Variants in SLC2A9 observed in about 807,000 individuals in gnomAD.
SLC2A9 encodes solute carrier family 2, facilitated glucose transporter member 9.
A neutral mutation model predicts 50.6 loss-of-function variants in SLC2A9; 39 were observed. The ratio of observed to expected loss-of-function variants is 0.77; its 90% CI spans 0.60 to 1.01. SLC2A9 has a LOEUF of 1.01. SLC2A9 is among the 50% of genes least tolerant of loss of function. SLC2A9 has a pLI of 0.00. For missense variants in SLC2A9, 686 were observed against 677.6 expected (o/e 1.01, Z -0.14); for synonymous variants, 324 against 276.9 (o/e 1.17, Z -1.69).
chr4:9,906,341 T>C (rs1012969742), intron 8 of SLC2A9, among the ~76,000 whole-genome samples: 1 of 152,172 alleles, frequency 6.6e-6, no homozygotes, highest in Admixed American at 6.5e-5. Flanking sequence ...AAGGAAATTA[T>C]CATACAGAAA....
At chr4:9,793,365 C>T (rs1720203377) in intron 3 of SLC2A9, among the ~76,000 whole-genome samples, 1 of 152,198 alleles carries the variant, frequency 6.6e-6, no homozygotes, top group Admixed American at 6.5e-5. Flanking sequence ...GTTGACTGTC[C>T]TTGCTGTGGC....
intron 5 of SLC2A9, among the ~76,000 whole-genome samples, chr4:9,962,543 A>C (rs1752429191): frequency 6.6e-6 from 1 of 152,152 alleles, no homozygotes; most frequent in African/African-American, 2.4e-5. Flanking sequence ...CAGTGAGGGG[A>C]ACAACACACA....
chr4:9,843,996 T>C (rs996237865), intron 10 of SLC2A9, among the ~76,000 whole-genome samples: 5 of 152,124 alleles, frequency 3.3e-5, no homozygotes, highest in Admixed American at 2.0e-4. Context: ...AAACCAGATT[T>C]GAATCCATGC....
At chr4:9,842,150 T>A (rs1728180319) in intron 10 of SLC2A9, among the ~76,000 whole-genome samples, 1 of 152,238 alleles carries the variant, frequency 6.6e-6, no homozygotes. Context: ...ACGACTCTTT[T>A]CCTGCTCATT....
At chr4:9,788,622 T>C (rs1293483983) in intron 3 of SLC2A9, among the ~76,000 whole-genome samples, 1 of 152,162 alleles carries the variant, frequency 6.6e-6, no homozygotes, top group African/African-American at 2.4e-5. Context: ...CAATGCTCAG[T>C]CTAGGGGCAA....
At chr4:10,019,275 C>A in intron 1 of SLC2A9, 1 of 589,598 alleles carries the variant, frequency 1.7e-6, no homozygotes, top group South Asian at 2.1e-5. Context: ...GCAGGCCGGG[C>A]GCCCTCAGGT....
intron 5 of SLC2A9, among the ~76,000 whole-genome samples, chr4:9,955,867 ATTTTTTTTTTT>A (rs1170286158): frequency 4.9e-5 from 3 of 61,688 alleles, no homozygotes; most frequent in Non-Finnish European, 8.2e-5. Flanking sequence ...AAGCATCTGG[ATTTTTTTTTTT>A]TTTTTTTTTT....
Position 10,021,290 on chromosome 4 carries a change from C to T in SLC2A9, c.140G>A (p.Arg47Lys), listed in dbSNP as rs1578379012. 6.2e-7 allele frequency: 1 copy of T among 1,613,786 alleles called. No individual in the cohort carries two copies. Among genetic ancestry groups the T allele is most frequent in the Non-Finnish European group, 8.5e-7 (1 of 1,180,042 alleles). Residue 47 changes from arginine to lysine, a missense_variant, in exon 1 of 12, where the codon AGG (arginine) becomes AAG (lysine). Physicochemically the swap from Arg to Lys is conservative, Grantham distance 26. Coordinates refer to ENST00000264784, the MANE Select transcript of SLC2A9 (RefSeq NM_020041.3). The stretch of plus-strand genomic sequence containing the variant: ...GCTGTCCGTAGTTACCTTTCTTCTC[C>T]TTCCACCTGGCACCCCACTCCTCAG... ...DHLRSGVPGGRRRKDWSCSLL... is the reference protein window; with the variant it reads ...DHLRSGVPGGKRRKDWSCSLL...
At chr4:9,823,344 G>T (rs192089165), downstream of SLC2A9, among the ~76,000 whole-genome samples, 1 of 152,294 alleles carries the variant, frequency 6.6e-6, no homozygotes, top group East Asian at 1.9e-4. Flanking sequence ...TTTCAGCCAA[G>T]AACCAGAGCC....
At chr4:9,876,428 A>G (rs1734331485) in intron 10 of SLC2A9, among the ~76,000 whole-genome samples, 1 of 152,156 alleles carries the variant, frequency 6.6e-6, no homozygotes. Context: ...CTCTATCCCC[A>G]CAAAAAAATT....
At position 9,890,631 on chromosome 4, in the gene SLC2A9, G is replaced by A; in HGVS notation, c.1194C>T (p.Leu398=). The A allele has an allele frequency of 6.2e-7, 1 of 1,614,206 alleles. No individual in the cohort carries two copies. The highest frequency in any genetic ancestry group is 8.5e-7 in the Non-Finnish European group (1 of 1,180,028). The change falls in exon 9 of 12, where the codon CTC becomes CTT. Residue 398 remains leucine (L), a synonymous_variant. Coordinates refer to ENST00000264784, the MANE Select transcript of SLC2A9 (RefSeq NM_020041.3). ...FGLMGLFFGT[L]TITLTLQDHA... is the part of the protein sequence containing the mutation. ...TCACCTGCAGGGTCAGCGTGATGGT[G>A]AGGGTCCCAAAGAAGAGGCCCATGA... is the stretch of plus-strand genomic sequence containing the variant.
At chr4:10,028,689 C>T (rs1400793805) in intron 1 of SLC2A9, among the ~76,000 whole-genome samples, 2 of 152,230 alleles carry the variant, frequency 1.3e-5, no homozygotes, top group African/African-American at 4.8e-5. Context: ...TCTGTCTAAA[C>T]TGAACCTTCC....
At chr4:9,978,608 T>G (rs936071105) in intron 5 of SLC2A9, among the ~76,000 whole-genome samples, 12 of 152,350 alleles carry the variant, frequency 7.9e-5, no homozygotes, top group African/African-American at 2.9e-4. Context: ...AAGAGTCTCT[T>G]TAGTTTGGAA....
At chr4:9,980,335 C>T (rs553216456) in intron 5 of SLC2A9, among the ~76,000 whole-genome samples, 2 of 152,250 alleles carry the variant, frequency 1.3e-5, no homozygotes, top group African/African-American at 4.8e-5. Context: ...CCTAAACAAA[C>T]ACAAATTGAG....
chr4:10,004,859 T>C (rs1760486806), intron 2 of SLC2A9, among the ~76,000 whole-genome samples: 1 of 152,234 alleles, frequency 6.6e-6, no homozygotes, highest in Non-Finnish European at 1.5e-5. Context: ...TCGATCCTGT[T>C]TGAAGAAAAC....
chr4:9,879,589 T>C, intron 10 of SLC2A9: 1 of 985,392 alleles, frequency 1.0e-6, no homozygotes, highest in Non-Finnish European at 1.2e-6. Context: ...TGCTGAGGCA[T>C]CTTCCATCAG....
intron 3 of SLC2A9, chr4:9,782,523 G>T: frequency 2.5e-6 from 4 of 1,613,990 alleles, no homozygotes; most frequent in Non-Finnish European, 3.4e-6. Flanking sequence ...GGCCTGGCAT[G>T]GACCTTGTCC....
intron 10 of SLC2A9, among the ~76,000 whole-genome samples, chr4:9,881,817 C>G (rs1735267355): frequency 6.6e-6 from 1 of 152,206 alleles, no homozygotes; most frequent in African/African-American, 2.4e-5. Context: ...ACTAGAACAT[C>G]TTTACGGTCT....
chr4:9,908,374 G>A (rs199577702), intron 7 of SLC2A9, 29 bp from the exon 8 acceptor site: 1 of 1,475,218 alleles, frequency 6.8e-7, no homozygotes, highest in East Asian at 2.3e-5. Flanking sequence ...TGAGCAGAGA[G>A]AATGGTCAGT....
Sources: allele counts gnomAD v4.1 joint callset (sites outside exome capture counted in the v4.1 genomes callset), GRCh38; gene constraint gnomAD v4.1.1; transcripts MANE v1.5; gene names NCBI Gene and HGNC (gene_info 2026-07-23, HGNC 2026-07-21).